Variants in PPIP5K1 observed in about 807,000 individuals in gnomAD.
PPIP5K1 encodes the protein inositol hexakisphosphate and diphosphoinositol-pentakisphosphate kinase 1.
PPIP5K1 carries 6 observed loss-of-function variants against 27.7 expected under a neutral mutation model. The observed-to-expected ratio is 0.22, with a 90% CI of 0.12 to 0.43. PPIP5K1 has a LOEUF of 0.43. PPIP5K1 is among the 20% of genes least tolerant of loss of function. PPIP5K1 has a pLI of 1.00. For synonymous variants in PPIP5K1, 145 were observed against 242.6 expected (o/e 0.60, Z 3.74); for missense variants, 394 against 635.4 (o/e 0.62, Z 4.08).
intron 30 of PPIP5K1, among the ~76,000 whole-genome samples, chr15:43,556,574 C>T (rs2082985544): frequency 6.6e-6 from 1 of 151,358 alleles, no homozygotes; most frequent in Admixed American, 6.6e-5. Context: ...TGAGGCCAGG[C>T]ACAGGTTGTT....
In PPIP5K1 at chr15:43,535,358, T is replaced by C. The variant is rs755559386; in HGVS notation, c.3789A>G (p.Glu1263=). 142 of 1,614,088 alleles carry C rather than the reference T, an allele frequency of 8.8e-5. No individual in the cohort carries two copies. The highest frequency in any genetic ancestry group is 1.2e-4 in the Non-Finnish European group (139 of 1,180,046). Residue 1263 remains glutamate, a synonymous_variant, in exon 32 of 32, where the codon GAA becomes GAG. Coordinates refer to ENST00000420765, the MANE Select transcript of PPIP5K1 (RefSeq NM_001394395.1). ...DQPSLNSHVA[E]EHQGLGLLQE... ...GGAGCAGCCCAAGGCCTTGATGTTCTTCAGCCACGTGTGAATTTAGGGAGG... is the reference window on the plus strand; with the variant it reads ...GGAGCAGCCCAAGGCCTTGATGTTCCTCAGCCACGTGTGAATTTAGGGAGG...
chr15:43,536,213 G>A (rs1267909234), intron 31 of PPIP5K1: 1 of 586,904 alleles, frequency 1.7e-6, no homozygotes, highest in Non-Finnish European at 2.7e-6. Flanking sequence ...GAGGTCAGGA[G>A]CTCTAAACCA....
rs758702978 is a variant in PPIP5K1 at position 43,534,900 on chromosome 15, C to G, written c.4247G>C (p.Ser1416Thr). The G allele has an allele frequency of 9.8e-5, 158 of 1,613,986 alleles. No individual in the cohort carries two copies. The highest frequency in any genetic ancestry group is 1.3e-4 in the Non-Finnish European group (157 of 1,180,016). The change falls in exon 32 of 32, where the codon AGC (serine) becomes ACC (threonine). Residue 1416 changes from serine (S) to threonine (T), a missense_variant. Transcript: ENST00000420765. ...TTCTACAAGGGTTTCCTGGACCAAG[C>G]TACCAACCCCTACATGGAACTTATG... The part of the protein sequence containing the change: ...LVHKFHVGVG[S>T]LVQETLVEVG...
At chr15:43,553,017 C>A (rs1192049011) in intron 30 of PPIP5K1, among the ~76,000 whole-genome samples, 2 of 152,166 alleles carry the variant, frequency 1.3e-5, no homozygotes, top group African/African-American at 4.8e-5. Flanking sequence ...GCCTGGACGA[C>A]AGAGTGAGAA....
intron 30 of PPIP5K1, 43 bp from the exon 31 acceptor site, chr15:43,539,626 CAT>C (rs776412602): frequency 1.1e-5 from 14 of 1,279,354 alleles, no homozygotes; most frequent in Non-Finnish European, 1.4e-5. Flanking sequence ...GAAAAAAAGA[CAT>C]ATGAGGAAGA....
chr15:43,534,658 G>A lies in PPIP5K1; in HGVS notation c.*16C>T, dbSNP rs1412874216. Reference sequence around the variant, plus strand: ...CCAGGCAGCTGATCAATCACTTCAGGGACCACCCAGGACTTCTAATTTATC... The same window carrying A: ...CCAGGCAGCTGATCAATCACTTCAGAGACCACCCAGGACTTCTAATTTATC... On this transcript the variant is annotated 3_prime_UTR_variant, in exon 32 of 32. Coordinates refer to ENST00000420765, the MANE Select transcript of PPIP5K1 (RefSeq NM_001394395.1). 1.3e-6 allele frequency: 2 copies of A among 1,516,288 alleles called. No homozygotes were observed. The highest frequency in any genetic ancestry group is 8.8e-7 in the Non-Finnish European group (1 of 1,135,588). 93.9% of individuals were successfully genotyped at this position (1,516,288 alleles called of 1,614,324 possible). A position where few individuals can be genotyped will look rare whatever the true frequency, so the allele number is the denominator to read the frequency against.
Position 43,558,906 on chromosome 15 carries a change from T to C in PPIP5K1, c.3445A>G (p.Thr1149Ala), listed in dbSNP as rs2083407854. ...TGCAGTGTTTCCAGAGGGTAGATGG[T>C]AGGCACCATGGAACACCCTTCAAAC... ...YGFEGCSMVP[T>A]IYPLETLHNA... The change falls in exon 30 of 32, where the codon ACC becomes GCC. Residue 1149 changes from threonine to alanine, a missense_variant. Around this residue, in one of 4 missense-constraint regions of PPIP5K1, gnomAD observed 379 missense variants for 423.9 expected, o/e 0.89. Transcript: ENST00000420765. The C allele has an allele frequency of 1.2e-6, 2 of 1,613,658 alleles. No homozygotes were observed. Among genetic ancestry groups the C allele is most frequent in the Non-Finnish European group, 1.7e-6 (2 of 1,179,992 alleles).
chr15:43,547,745 C>T (rs2140694718), intron 30 of PPIP5K1, among the ~76,000 whole-genome samples: 1 of 152,324 alleles, frequency 6.6e-6, no homozygotes, highest in East Asian at 1.9e-4. Flanking sequence ...GTTTTGATTA[C>T]TATAGCTTTG....
chr15:43,537,417 G>A (rs2470130), intron 31 of PPIP5K1: 60,965 of 316,098 alleles, frequency 0.19, 11,778 homozygotes, highest in African/African-American at 0.63. Context: ...AGCCAGACGC[G>A]GTGGCTCATG....
At chr15:43,567,397 C>CTTTTTT (rs2084230293) in intron 26 of PPIP5K1, among the ~76,000 whole-genome samples, 2 of 2,094 alleles carry the variant, frequency 9.6e-4, no homozygotes, top group Non-Finnish European at 2.0e-3. Flanking sequence ...GGATTATAGG[C>CTTTTTT]ATGAGCCACT....
In PPIP5K1 at chr15:43,543,729, C is replaced by G. The variant is rs191561077; in HGVS notation, c.3557-4146G>C. ...GAATTTATACTTTCATCTAATTTAT[C>G]TTACTTTGAAAATCCTCGTTCCTAA... On this transcript the variant is annotated intron_variant, in intron 30 of 31. Transcript: ENST00000420765. 4.1e-3 allele frequency among the ~76,000 whole-genome samples: 619 copies of G among 151,644 alleles called. 4 individuals are homozygous for G. The highest frequency in any genetic ancestry group is 0.014 in the African/African-American group (577 of 41,434).
chr15:43,540,605 G>A (rs1028414047), intron 30 of PPIP5K1, among the ~76,000 whole-genome samples: 18 of 151,902 alleles, frequency 1.2e-4, no homozygotes, highest in African/African-American at 3.6e-4. Flanking sequence ...GCTGAGGCAG[G>A]AGAATTGCTT....
intron 30 of PPIP5K1, among the ~76,000 whole-genome samples, chr15:43,554,527 T>TGC (rs2140979408): frequency 6.6e-6 from 1 of 151,742 alleles, no homozygotes; most frequent in African/African-American, 2.4e-5. Context: ...GGTTACTATT[T>TGC]GCACAGAATA....
intron 30 of PPIP5K1, among the ~76,000 whole-genome samples, chr15:43,546,803 T>G (rs1463338377): frequency 6.6e-6 from 1 of 151,788 alleles, no homozygotes; most frequent in Non-Finnish European, 1.5e-5. Flanking sequence ...ACTACAGGTG[T>G]GCACCACCAT....
chr15:43,536,014 T>A, intron 31 of PPIP5K1: 3 of 1,096,646 alleles, frequency 2.7e-6, no homozygotes, highest in Non-Finnish European at 3.6e-6. Context: ...GAATCATTCT[T>A]TAAAGCAATC....
In PPIP5K1 at chr15:43,573,165, ATCAC is replaced by A; in HGVS notation, c.2451-21_2451-18del. On this transcript the variant is annotated intron_variant, in intron 21 of 31. Transcript: ENST00000420765. ...CGGGAGTACCTGAGATAACAGCTAA[ATCAC>A]TCACACAGTCAGTTAACCCTGTTCC... 2 of 82,510 alleles carry A rather than the reference ATCAC, an allele frequency of 2.4e-5. No individual in the cohort carries two copies. Among genetic ancestry groups the A allele is most frequent in the Non-Finnish European group, 4.2e-5 (2 of 47,796 alleles). 5.1% of individuals were successfully genotyped at this position (82,510 alleles called of 1,614,324 possible). A position where few individuals can be genotyped will look rare whatever the true frequency, so the allele number is the denominator to read the frequency against.
chr15:43,535,280 C>T lies in PPIP5K1; in HGVS notation c.3867G>A (p.Glu1289=). 1 of 1,614,184 alleles carries T rather than the reference C, an allele frequency of 6.2e-7. No individual in the cohort carries two copies. The highest frequency in any genetic ancestry group is 8.5e-7 in the Non-Finnish European group (1 of 1,180,034). The change falls in exon 32 of 32, where the codon GAG becomes GAA. Residue 1289 remains glutamate, a synonymous_variant. Coordinates refer to ENST00000420765, the MANE Select transcript of PPIP5K1 (RefSeq NM_001394395.1). ...GTGGGGACTGATTTGGTTCAAAAAG[C>T]TCTTGCTCCCCTTCTATGGAGAGCT... ...AQELSIEGEQ[E]LFEPNQSPQV...
intron 30 of PPIP5K1, 91 bp from the exon 31 acceptor site, chr15:43,539,674 C>G: frequency 2.7e-6 from 2 of 747,830 alleles, no homozygotes; most frequent in Non-Finnish European, 4.4e-6. Context: ...TAAGTCAAAG[C>G]CAACTTACCC....
intron 30 of PPIP5K1, among the ~76,000 whole-genome samples, chr15:43,550,742 T>C (rs1161812714): frequency 6.6e-6 from 1 of 152,238 alleles, no homozygotes; most frequent in East Asian, 1.9e-4. Context: ...GTGCTTTGGC[T>C]TTCATAAATG....
Sources: gnomAD v4.1 joint callset for allele counts (sites outside exome capture counted in the v4.1 genomes callset) on GRCh38, gnomAD v4.1.1 for gene constraint, gnomAD v4.1.1 regional missense constraint, MANE v1.5 for transcripts, NCBI Gene and HGNC (gene_info 2026-07-23, HGNC 2026-07-21) for gene names.